The following PSD3 variants were observed in gnomAD, a reference collection of about 807,000 sequenced individuals.
PSD3 encodes PH and SEC7 domain-containing protein 3.
A neutral mutation model predicts 105.5 loss-of-function variants in PSD3; 49 were observed. The observed-to-expected ratio is 0.46, with a 90% CI of 0.37 to 0.59. PSD3 has a LOEUF of 0.59. Among genes scored for constraint, PSD3 ranks in the 20% least tolerant of loss-of-function variants. The pLI, the probability that PSD3 is intolerant of heterozygous loss-of-function variation, is 0.00. For missense variants in PSD3, 1,561 were observed against 1,263.8 expected, an observed-to-expected ratio of 1.24 and a Z score of -3.57; for synonymous variants, 557 against 457.8, an observed-to-expected ratio of 1.22 and a Z score of -2.77.
At chr8:18,942,502 G>A (rs892115017) in intron 1 of PSD3, among the ~76,000 whole-genome samples, 2 of 152,226 alleles carry the variant, frequency 1.3e-5, no homozygotes, top group Admixed American at 6.5e-5. Flanking sequence ...AGATTTATAT[G>A]TTGAAGTCCT....
At chr8:18,945,806 T>C (rs889363420) in intron 1 of PSD3, among the ~76,000 whole-genome samples, 1 of 152,034 alleles carries the variant, frequency 6.6e-6, no homozygotes, top group African/African-American at 2.4e-5. Flanking sequence ...TGAAACCCCA[T>C]CTCTACAAAA....
intron 9 of PSD3, among the ~76,000 whole-genome samples, chr8:18,740,648 C>T (rs1238767487): frequency 6.6e-6 from 1 of 152,142 alleles, no homozygotes; most frequent in Non-Finnish European, 1.5e-5. Context: ...AAGATTACTT[C>T]CATTTCTAAT....
chr8:18,931,242 C>T (rs1821730143), intron 2 of PSD3, among the ~76,000 whole-genome samples: 1 of 151,754 alleles, frequency 6.6e-6, no homozygotes, highest in Non-Finnish European at 1.5e-5. Flanking sequence ...CAAACTGTTG[C>T]GAAACCCTGA....
At chr8:18,845,308 G>C (rs541806934) in intron 4 of PSD3, among the ~76,000 whole-genome samples, 2 of 152,190 alleles carry the variant, frequency 1.3e-5, no homozygotes, top group Non-Finnish European at 2.9e-5. Context: ...GTAGTGAGCT[G>C]AAGAAACCCT....
chr8:18,949,855 C>T (rs554567495), intron 1 of PSD3, among the ~76,000 whole-genome samples: 6 of 133,576 alleles, frequency 4.5e-5, no homozygotes, highest in South Asian at 4.7e-4. Flanking sequence ...CACTATCTCT[C>T]GTCTTGATAA....
chr8:18,850,813 G>A (rs550162893), intron 4 of PSD3, among the ~76,000 whole-genome samples: 5 of 152,290 alleles, frequency 3.3e-5, no homozygotes, highest in African/African-American at 1.2e-4. Context: ...TGGACCAACA[G>A]AGGTTCCCCT....
At chr8:18,757,631 T>G (rs1248315325) in intron 9 of PSD3, among the ~76,000 whole-genome samples, 1 of 152,226 alleles carries the variant, frequency 6.6e-6, no homozygotes, top group Admixed American at 6.5e-5. Flanking sequence ...ATATATTTCC[T>G]TCAATACTGT....
At chr8:18,836,081 G>A (rs1242291789) in intron 4 of PSD3, among the ~76,000 whole-genome samples, 1 of 152,150 alleles carries the variant, frequency 6.6e-6, no homozygotes, top group African/African-American at 2.4e-5. Context: ...TATTTTGAAG[G>A]TAGAGCTGAC....
intron 10 of PSD3, among the ~76,000 whole-genome samples, chr8:18,633,305 C>G (rs1343536422): frequency 6.6e-6 from 1 of 152,010 alleles, no homozygotes; most frequent in Non-Finnish European, 1.5e-5. Flanking sequence ...CAATATCCCC[C>G]AAATAACCAG....
chr8:18,546,089 C>G (rs1800434412), intron 15 of PSD3, among the ~76,000 whole-genome samples: 1 of 152,188 alleles, frequency 6.6e-6, no homozygotes, highest in Non-Finnish European at 1.5e-5. Flanking sequence ...CAACCTCCAC[C>G]TCCCAGGTTC....
chr8:18,591,369 A>G (rs1238257459), intron 12 of PSD3, among the ~76,000 whole-genome samples: 7 of 152,146 alleles, frequency 4.6e-5, no homozygotes, highest in African/African-American at 1.7e-4. Context: ...TAGTGTGGAT[A>G]CCTGGGCACT....
At chr8:19,062,483 T>G (rs911275001) in intron 1 of PSD3, among the ~76,000 whole-genome samples, 10 of 152,220 alleles carry the variant, frequency 6.6e-5, no homozygotes, top group Non-Finnish European at 1.0e-4. Flanking sequence ...AAGAGACCAC[T>G]GTTTCCCCAG....
At chr8:18,788,316 T>C (rs887889535) in intron 8 of PSD3, among the ~76,000 whole-genome samples, 6 of 152,044 alleles carry the variant, frequency 3.9e-5, no homozygotes, top group Non-Finnish European at 8.8e-5. Context: ...AAGGGGAAAA[T>C]GAAGATGGAG....
Position 18,651,380 on chromosome 8 carries a change from C to T in PSD3, c.2216+4262G>A, listed in dbSNP as rs755853615. ...AACATCCACATCAAGATGCCTCCTGCGCAAGTCTTCCATGCATTATCCTAC... is the reference window on the plus strand; with the variant it reads ...AACATCCACATCAAGATGCCTCCTGTGCAAGTCTTCCATGCATTATCCTAC... On this transcript the variant is annotated intron_variant, in intron 10 of 15. Coordinates refer to ENST00000327040, the MANE Select transcript of PSD3 (RefSeq NM_015310.4). Among the ~76,000 whole-genome samples the T allele has an allele frequency of 3.9e-5, 6 of 152,348 alleles. 1 individual carries two copies. Among genetic ancestry groups the T allele is most frequent in the African/African-American group, 1.4e-4 (6 of 41,596 alleles).
chr8:18,602,556 G>A (rs6983527), intron 11 of PSD3, among the ~76,000 whole-genome samples: 9,829 of 152,052 alleles, frequency 0.065, 392 homozygotes, highest in African/African-American at 0.1. Flanking sequence ...ATTATTCAAC[G>A]GTATTTAGTT....
In PSD3 at chr8:18,872,726, A is replaced by G. The variant is rs775141996; in HGVS notation, c.138T>C (p.His46=). 6.4e-7 allele frequency: 1 copy of G among 1,556,382 alleles called. No individual in the cohort carries two copies. The highest frequency in any genetic ancestry group is 8.7e-7 in the Non-Finnish European group (1 of 1,154,366). Reference sequence around the variant, plus strand: ...TTGGTGGGAGTAAAGTGCTTCCTCCATGATCACCTGTGAAGAGAACACAAT... The same window carrying G: ...TTGGTGGGAGTAAAGTGCTTCCTCCGTGATCACCTGTGAAGAGAACACAAT... ...SEGKAPDTSD[H]GGSTLLPPNV... is the part of the protein sequence containing the mutation. Residue 46 remains histidine, a synonymous_variant, in exon 3 of 16, where the codon CAT becomes CAC. Transcript: ENST00000327040.
In PSD3 at chr8:18,629,422, T is replaced by A. The variant is rs12115059; in HGVS notation, c.2410+3191A>T. Among the ~76,000 whole-genome samples, 974 of 152,146 alleles carry A rather than the reference T, an allele frequency of 6.4e-3. 8 individuals carry two copies. The highest frequency in any genetic ancestry group is 0.022 in the African/African-American group (919 of 41,542). On this transcript the variant is annotated intron_variant, in intron 11 of 15. Transcript: ENST00000327040. Reference sequence around the variant, plus strand: ...TATATGTGAATGTCCATAGGGGCTTTATTTATAACAGTTCAAAACTGGAAA... The same window carrying A: ...TATATGTGAATGTCCATAGGGGCTTAATTTATAACAGTTCAAAACTGGAAA...
intron 11 of PSD3, among the ~76,000 whole-genome samples, chr8:18,615,533 T>C (rs1227382808): frequency 2.0e-5 from 3 of 152,252 alleles, no homozygotes; most frequent in Non-Finnish European, 4.4e-5. Flanking sequence ...ATTTGAGTGA[T>C]ATTTTCTTTT....
intron 9 of PSD3, among the ~76,000 whole-genome samples, chr8:18,747,827 A>G (rs1805153704): frequency 6.6e-6 from 1 of 152,020 alleles, no homozygotes; most frequent in Non-Finnish European, 1.5e-5. Flanking sequence ...AAAAAAAAGA[A>G]AAAAAAAGAC....
Sources: gnomAD v4.1 joint callset for allele counts (sites outside exome capture counted in the v4.1 genomes callset) on GRCh38, gnomAD v4.1.1 for gene constraint, MANE v1.5 for transcripts, NCBI Gene and HGNC (gene_info 2026-07-23, HGNC 2026-07-21) for gene names.